Variants in RTL4 observed in about 807,000 individuals in gnomAD.
RTL4 encodes retrotransposon Gag-like protein 4.
A neutral mutation model predicts 5.3 loss-of-function variants in RTL4; 4 were observed. That is an observed-to-expected ratio of 0.75 (90% CI 0.37 to 1.72). RTL4 has a LOEUF of 1.72. RTL4 is among the 40% of genes most tolerant of loss of function. The pLI, the probability that RTL4 is intolerant of heterozygous loss-of-function variation, is 0.04. For missense variants in RTL4, 260 were observed against 227.1 expected (o/e 1.14, Z -0.93); for synonymous variants, 98 against 87.3 (o/e 1.12, Z -0.68).
chrX:112,314,280 C>T, the RTL4 span, among the ~76,000 whole-genome samples: 1 of 111,157 alleles, frequency 9.0e-6, no homozygotes, highest in Non-Finnish European at 1.9e-5. Context: ...TAAAACTGAT[C>T]AAGCAATTTC....
chrX:112,372,109 C>T, the RTL4 span, among the ~76,000 whole-genome samples: 1 of 111,185 alleles, frequency 9.0e-6, no homozygotes, highest in Non-Finnish European at 1.9e-5. Context: ...GCAGAAGGCC[C>T]CTTGATTTTT....
At chrX:112,205,606 T>TAC in the RTL4 span, among the ~76,000 whole-genome samples, 2,230 of 107,613 alleles carry the variant, frequency 0.021, 62 homozygotes, top group African/African-American at 0.07. Flanking sequence ...CGTGTGCATG[T>TAC]ACACACACAC....
the RTL4 span, among the ~76,000 whole-genome samples, chrX:112,225,662 G>A: frequency 9.0e-6 from 1 of 111,572 alleles, no homozygotes; most frequent in African/African-American, 3.3e-5. Flanking sequence ...TTAAAATACA[G>A]ATTCCTGGGC....
the RTL4 span, among the ~76,000 whole-genome samples, chrX:112,321,330 G>A: frequency 2.7e-5 from 3 of 110,800 alleles, no homozygotes; most frequent in Non-Finnish European, 5.7e-5. Context: ...GAGGTCAAGC[G>A]ATCGAGACCA....
At chrX:112,253,398 C>A in the RTL4 span, among the ~76,000 whole-genome samples, 10 of 112,198 alleles carry the variant, frequency 8.9e-5, no homozygotes, top group Admixed American at 2.8e-4. Context: ...CTGTTTCCTA[C>A]GAAATTCACT....
chrX:112,162,920 G>A, the RTL4 span, among the ~76,000 whole-genome samples: 2 of 111,842 alleles, frequency 1.8e-5, no homozygotes, highest in African/African-American at 6.5e-5. Context: ...AATTTATTTA[G>A]CGGCATCTGA....
the RTL4 span, among the ~76,000 whole-genome samples, chrX:112,294,032 A>G: frequency 8.9e-6 from 1 of 112,220 alleles, no homozygotes; most frequent in Non-Finnish European, 1.9e-5. Flanking sequence ...AAACCTGTCT[A>G]GAAGAGGTCT....
chrX:112,389,415 AT>A, the RTL4 span, among the ~76,000 whole-genome samples: 1 of 106,464 alleles, frequency 9.4e-6, no homozygotes, highest in South Asian at 4.0e-4. Flanking sequence ...CAGGTCTGAT[AT>A]TTGTTATTTC....
chrX:112,098,296 T>A, the RTL4 span, among the ~76,000 whole-genome samples: 21 of 110,943 alleles, frequency 1.9e-4, no homozygotes, highest in African/African-American at 6.6e-4. Flanking sequence ...AACTCATCAT[T>A]TTTTATGGCT....
At chrX:112,444,685 G>GGGAGAA in the RTL4 span, among the ~76,000 whole-genome samples, 1 of 111,387 alleles carries the variant, frequency 9.0e-6, no homozygotes, top group Admixed American at 9.6e-5. Flanking sequence ...TTTTTATTAT[G>GGGAGAA]GCTTTGATTT....
chrX:112,456,877 C>T (rs13440694), exon 1 of RTL4: 36,124 of 122,290 alleles, frequency 0.3, 4,402 homozygotes, highest in African/African-American at 0.49. Flanking sequence ...GATTTTATTG[C>T]TTATGTTTTA....
At chrX:112,230,796 C>T in the RTL4 span, among the ~76,000 whole-genome samples, 3 of 111,610 alleles carry the variant, frequency 2.7e-5, no homozygotes. Flanking sequence ...AGGCAACCTA[C>T]AGAATGGGAG....
chrX:112,453,016 G>A (rs1926769063), upstream of RTL4, among the ~76,000 whole-genome samples: 1 of 90,252 alleles, frequency 1.1e-5, no homozygotes, highest in African/African-American at 4.7e-5. Context: ...TGGGGGACAA[G>A]AGCGAGACTC....
At chrX:112,264,170 G>GCTA in the RTL4 span, among the ~76,000 whole-genome samples, 1 of 111,722 alleles carries the variant, frequency 9.0e-6, no homozygotes, top group Non-Finnish European at 1.9e-5. Flanking sequence ...GATGACGACT[G>GCTA]CTACTACTAC....
the RTL4 span, among the ~76,000 whole-genome samples, chrX:112,111,639 G>T: frequency 2.7e-5 from 3 of 112,551 alleles, no homozygotes; most frequent in African/African-American, 9.7e-5. Context: ...CCAGTTCTAA[G>T]GCTTGGGTAA....
chrX:112,330,848 C>A, the RTL4 span, among the ~76,000 whole-genome samples: 1 of 110,996 alleles, frequency 9.0e-6, no homozygotes, highest in African/African-American at 3.3e-5. Flanking sequence ...TCAAAAATAA[C>A]ACCGCATATC....
the RTL4 span, among the ~76,000 whole-genome samples, chrX:112,246,872 T>C: frequency 1.1e-3 from 120 of 111,830 alleles, no homozygotes; most frequent in African/African-American, 3.7e-3. Flanking sequence ...TGATTGTTTG[T>C]ATTTATATTT....
At chrX:112,158,661 A>G in the RTL4 span, among the ~76,000 whole-genome samples, 1 of 111,189 alleles carries the variant, frequency 9.0e-6, no homozygotes, top group African/African-American at 3.3e-5. Flanking sequence ...AACATTTTCA[A>G]TAGCTGCATA....
the RTL4 span, among the ~76,000 whole-genome samples, chrX:112,178,838 C>G: frequency 9.0e-6 from 1 of 111,345 alleles, no homozygotes. Context: ...TGACCACACA[C>G]CTCTTAGAAA....
Sources: gnomAD v4.1 joint callset for allele counts (sites outside exome capture counted in the v4.1 genomes callset) on GRCh38, gnomAD v4.1.1 for gene constraint, MANE v1.5 for transcripts, NCBI Gene and HGNC (gene_info 2026-07-23, HGNC 2026-07-21) for gene names.